Variants in PER2 observed in about 807,000 individuals in gnomAD.
The protein encoded by PER2 is period circadian regulator 2.
PER2 carries 66 observed loss-of-function variants against 121.0 expected under a neutral mutation model. That is an observed-to-expected ratio of 0.55 (90% confidence interval 0.45 to 0.67). The LOEUF is 0.67. PER2 is among the 30% of genes least tolerant of loss of function. The pLI is 0.00. For missense variants in PER2, 1,521 were observed against 1,635.0 expected, an observed-to-expected ratio of 0.93 and a Z score of 1.20; for synonymous variants, 684 against 659.9, an observed-to-expected ratio of 1.04 and a Z score of -0.56.
chr2:238,259,194 T>C (rs968944940), intron 14 of PER2, among the ~76,000 whole-genome samples: 1 of 152,220 alleles, frequency 6.6e-6, no homozygotes, highest in African/African-American at 2.4e-5. Context: ...GCAGGCAGCA[T>C]GTCCACCAAC....
Position 238,252,884 on chromosome 2 carries a change from TG to T in PER2, c.3111+27del. On this transcript the variant is annotated intron_variant, in intron 19 of 22. Transcript: ENST00000254657. The surrounding 1 kb of genome is among the most constrained non-coding windows in gnomAD (Gnocchi z 4.2). ...CAGGTGTGCTGTTTGCTGCCTGCTT[TG>T]GGGAAAGAGCATCAGAAAATCCTTA... is the stretch of plus-strand genomic sequence containing the variant. The T allele has an allele frequency of 1.2e-6, 2 of 1,604,682 alleles. No individual in the cohort carries two copies. The highest frequency in any genetic ancestry group is 1.7e-6 in the Non-Finnish European group (2 of 1,173,640).
At chr2:238,289,162 A>C (rs995409817), upstream of PER2, 7 of 152,154 alleles carry the variant, frequency 4.6e-5, no homozygotes, top group Non-Finnish European at 7.4e-5. Flanking sequence ...CCGGCCTGGC[A>C]GACCCGGCGC....
chr2:238,254,955 T>G (rs1400962457), intron 18 of PER2: 1 of 152,488 alleles, frequency 6.6e-6, no homozygotes, highest in African/African-American at 2.4e-5. Context: ...CTGGGCTCAC[T>G]GGCTCTGATC....
intron 1 of PER2, among the ~76,000 whole-genome samples, chr2:238,283,252 A>C (rs569694864): frequency 6.6e-6 from 1 of 152,328 alleles, no homozygotes; most frequent in Admixed American, 6.5e-5. Context: ...CTTTCTGAAG[A>C]GGTCCCAAGG....
chr2:238,292,544 G>C (rs1369850834), upstream of PER2, among the ~76,000 whole-genome samples: 1 of 152,160 alleles, frequency 6.6e-6, no homozygotes, highest in Non-Finnish European at 1.5e-5. Context: ...GGGCATCCTT[G>C]GCCCGTTCCA....
chr2:238,281,051 T>C (rs945297389), intron 1 of PER2, among the ~76,000 whole-genome samples: 8 of 151,684 alleles, frequency 5.3e-5, no homozygotes, highest in African/African-American at 1.9e-4. Context: ...GTCACCAGGC[T>C]GGAGTGCAGT....
upstream of PER2, among the ~76,000 whole-genome samples, chr2:238,292,600 G>A (rs1215787079): frequency 1.3e-5 from 2 of 152,166 alleles, no homozygotes; most frequent in Non-Finnish European, 2.9e-5. Flanking sequence ...GGTATGATGA[G>A]CCTTAGATGT....
At chr2:238,278,080 C>G (rs1696513316) in intron 1 of PER2, 125 bp from the exon 2 acceptor site, 2 of 974,252 alleles carry the variant, frequency 2.1e-6, no homozygotes, top group Admixed American at 4.0e-5. Flanking sequence ...TTTCTTTCTT[C>G]TCTCTGTCTC....
Position 238,277,773 on chromosome 2 carries a change from C to A in PER2, c.164G>T (p.Gly55Val). 1 of 1,614,224 alleles carries A rather than the reference C, an allele frequency of 6.2e-7. No individual in the cohort carries two copies. The highest frequency in any genetic ancestry group is 1.1e-5 in the South Asian group (1 of 91,086). Residue 55 changes from glycine (G) to valine (V), a missense_variant, in exon 2 of 23, where the codon GGC becomes GTC. Physicochemically the swap from Gly to Val is moderately radical, Grantham distance 109. Coordinates refer to ENST00000254657, the MANE Select transcript of PER2 (RefSeq NM_022817.3). ...CTTCCCACTGTCGTCACAGTCACTG[C>A]CCTGCGAGTCCCGCCCCGTGGAGCA... ...ENCSTGRDSQ[G>V]SDCDDSGKEL... is the part of the protein sequence containing the mutation.
In PER2 at chr2:238,277,101, C is replaced by T. The variant is rs187074095; in HGVS notation, c.293+30G>A. On this transcript the variant is annotated intron_variant, in intron 3 of 22. Transcript: ENST00000254657. ...AGAAGTCTTTCAATTTCTCTAAAAC[C>T]TCTATGTATGAAGTTCTAATTGGCC... The T allele has an allele frequency of 3.2e-4, 482 of 1,497,166 alleles. 1 individual carries two copies. In the African/African-American group the frequency reaches 6.2e-3, roughly 19 times the overall value. The allele number at this position is 1,497,166 out of a possible 1,614,324, so 92.7% of individuals were successfully genotyped here.
In PER2 at chr2:238,253,786, C is replaced by A; in HGVS notation, c.2321-84G>T. ...TCTTCGTTCAACAGTCCTGGGTTTCCAAATGCTGGCCCAGGGCCTGCCTGG... is the reference window on the plus strand; with the variant it reads ...TCTTCGTTCAACAGTCCTGGGTTTCAAAATGCTGGCCCAGGGCCTGCCTGG... On this transcript the variant is annotated intron_variant, in intron 18 of 22. Transcript: ENST00000254657. This position sits in a 1 kb window ranked among gnomAD's most constrained non-coding sequence, Gnocchi z 5.6. 9.1e-7 allele frequency: 1 copy of A among 1,103,068 alleles called. No individual in the cohort carries two copies. Among genetic ancestry groups the A allele is most frequent in the Non-Finnish European group, 1.3e-6 (1 of 752,390 alleles). 68.3% of individuals were successfully genotyped at this position (1,103,068 alleles called of 1,614,324 possible).
At chr2:238,275,145 T>C (rs748123994) in intron 4 of PER2, among the ~76,000 whole-genome samples, 1 of 152,234 alleles carries the variant, frequency 6.6e-6, no homozygotes, top group Non-Finnish European at 1.5e-5. Flanking sequence ...CAGATTTTTC[T>C]ATTTTTATGC....
chr2:238,266,705 A>G (rs1185894364), intron 8 of PER2, among the ~76,000 whole-genome samples: 1 of 152,214 alleles, frequency 6.6e-6, no homozygotes, highest in Non-Finnish European at 1.5e-5. Context: ...AACATTGCAG[A>G]GAAAGTCACA....
chr2:238,261,611 G>T, intron 12 of PER2, 118 bp downstream of exon 12: 1 of 724,582 alleles, frequency 1.4e-6, no homozygotes, highest in Non-Finnish European at 2.5e-6. Flanking sequence ...GATGTTCAGA[G>T]AATGACAGAT....
chr2:238,255,615 T>G, intron 18 of PER2, 42 bp downstream of exon 18: 2 of 1,607,446 alleles, frequency 1.2e-6, no homozygotes, highest in Non-Finnish European at 1.7e-6. Context: ...CCAACAGGAA[T>G]AAAGTTTTTT....
At chr2:238,277,546 A>G (rs1198773316) in intron 2 of PER2, among the ~76,000 whole-genome samples, 161 bp downstream of exon 2, 1 of 152,238 alleles carries the variant, frequency 6.6e-6, no homozygotes, top group Non-Finnish European at 1.5e-5. Flanking sequence ...GGGCCTCGTT[A>G]TGAGGAAGGA....
chr2:238,288,778 A>C (rs1696874949), upstream of PER2, among the ~76,000 whole-genome samples: 1 of 151,502 alleles, frequency 6.6e-6, no homozygotes, highest in African/African-American at 2.4e-5. Flanking sequence ...GCCGCGGCCG[A>C]GTCGCCGCTG....
Position 238,273,498 on chromosome 2 carries a change from CT to C in PER2, c.449-308del, listed in dbSNP as rs35748668. 8.1e-3 allele frequency among the ~76,000 whole-genome samples: 1,120 copies of C among 138,920 alleles called. 5 individuals carry two copies. Among genetic ancestry groups the C allele is most frequent in the African/African-American group, 0.018 (671 of 38,120 alleles). The allele number at this position is 138,920 out of a possible 152,430, so 91.1% of individuals were successfully genotyped here. ...TGCCTCTCATGTTCTCCAGAAGGGG[CT>C]TTTTTTTTTTTTTGAGATGGAGTTT... On this transcript the variant is annotated intron_variant, in intron 4 of 22. Coordinates refer to ENST00000254657, the MANE Select transcript of PER2 (RefSeq NM_022817.3).
rs1696859726 is a variant in PER2 at position 238,288,506 on chromosome 2, G to A, written c.-177C>T. 6.6e-6 allele frequency: 1 copy of A among 152,164 alleles called. No homozygotes were observed. The highest frequency in any genetic ancestry group is 2.4e-5 in the African/African-American group (1 of 41,464). The allele number at this position is 152,164 out of a possible 1,614,324, so 9.4% of individuals were successfully genotyped here. On this transcript the variant is annotated 5_prime_UTR_variant, in exon 1 of 23. Coordinates refer to ENST00000254657, the MANE Select transcript of PER2 (RefSeq NM_022817.3). The stretch of plus-strand genomic sequence containing the variant: ...CGCCCCCACGCCGGCGCCGTTTCAA[G>A]CCGAGGAGTCCAGCAGCCCAAGGAA...
Sources: allele counts gnomAD v4.1 joint callset (sites outside exome capture counted in the v4.1 genomes callset), GRCh38; gene constraint gnomAD v4.1.1; non-coding constraint Gnocchi (gnomAD v3.1); transcripts MANE v1.5; gene names NCBI Gene and HGNC (gene_info 2026-07-23, HGNC 2026-07-21).